Variants in PPIG observed in about 807,000 individuals in gnomAD.
The protein encoded by PPIG is peptidylprolyl isomerase G.
A neutral mutation model predicts 87.9 loss-of-function variants in PPIG; 26 were observed. The ratio of observed to expected loss-of-function variants is 0.30; its 90% CI spans 0.22 to 0.41. The LOEUF (loss-of-function observed/expected upper bound fraction) is 0.41, where lower values mean the gene tolerates loss of function less well. PPIG is among the 10% of genes least tolerant of loss of function. The probability of loss-of-function intolerance (pLI) is 1.00; values close to 1 mark genes in which losing one functional copy is unlikely to be tolerated. For missense variants in PPIG, 722 were observed against 879.4 expected, an observed-to-expected ratio of 0.82 and a Z score of 2.26; for synonymous variants, 308 against 276.5, an observed-to-expected ratio of 1.11 and a Z score of -1.13.
chr2:169,641,240 CTGT>C lies in PPIG; in HGVS notation c.*3721_*3723del, dbSNP rs1365818265. The C allele has an allele frequency of 6.6e-6, 1 of 152,000 alleles. No individual in the cohort carries two copies. Among genetic ancestry groups the C allele is most frequent in the African/African-American group, 2.4e-5 (1 of 41,388 alleles). 9.4% of individuals were successfully genotyped at this position (152,000 alleles called of 1,614,324 possible). On this transcript the variant is annotated 3_prime_UTR_variant, in exon 14 of 14. Coordinates refer to ENST00000260970, the MANE Select transcript of PPIG (RefSeq NM_004792.3). ...TTTTTAATGAAGTTTAGAAAAAAAG[CTGT>C]TGTCTTCTCAATTGTAAAATTAGTT...
intron 7 of PPIG, among the ~76,000 whole-genome samples, chr2:169,610,624 A>G (rs1332483091): frequency 9.2e-5 from 14 of 151,662 alleles, no homozygotes; most frequent in Admixed American, 9.2e-4. Context: ...CCATCTATAC[A>G]TGTTAATAAC....
intron 4 of PPIG, 52 bp downstream of exon 4, chr2:169,604,313 T>TG (rs1559178874): frequency 2.8e-5 from 21 of 750,786 alleles, no homozygotes; most frequent in Middle Eastern, 4.1e-4. Context: ...GACTATGGCT[T>TG]GCTTGCTTGC....
chr2:169,628,201 A>G (rs574096188), intron 9 of PPIG, among the ~76,000 whole-genome samples: 5 of 152,280 alleles, frequency 3.3e-5, no homozygotes, highest in Non-Finnish European at 7.3e-5. Context: ...TGGTACATCA[A>G]CAGCATAGAG....
chr2:169,634,603 C>T (rs550352836), intron 12 of PPIG, among the ~76,000 whole-genome samples: 2 of 152,152 alleles, frequency 1.3e-5, no homozygotes. Flanking sequence ...ATTTTAGTGA[C>T]GGGCACCACC....
chr2:169,602,376 T>G (rs1257937603), intron 1 of PPIG, among the ~76,000 whole-genome samples: 1 of 152,132 alleles, frequency 6.6e-6, no homozygotes, highest in Non-Finnish European at 1.5e-5. Flanking sequence ...AGTGCAGTGG[T>G]GCAGTCTTGG....
At chr2:169,626,551 T>G (rs1432093865) in intron 9 of PPIG, among the ~76,000 whole-genome samples, 1 of 151,666 alleles carries the variant, frequency 6.6e-6, no homozygotes, top group Non-Finnish European at 1.5e-5. Flanking sequence ...TCTACCATAC[T>G]CAGCTAATTT....
intron 1 of PPIG, among the ~76,000 whole-genome samples, chr2:169,593,482 A>T (rs1048025482): frequency 6.6e-6 from 1 of 152,078 alleles, no homozygotes; most frequent in African/African-American, 2.4e-5. Flanking sequence ...TATTAAAGAA[A>T]ACTAGAAAGA....
At position 169,603,819 on chromosome 2, in the gene PPIG, C is replaced by T. The variant is rs1005097750; in HGVS notation, c.-17+125C>T. The stretch of plus-strand genomic sequence containing the variant: ...ATAATAATGGTTAAGGCTTAACTTT[C>T]AAGTCTTTTCTAATTGCTTCACAAA... On this transcript the variant is annotated intron_variant, in intron 2 of 13. Transcript: ENST00000260970. 10 of 560,268 alleles carry T rather than the reference C, an allele frequency of 1.8e-5. No homozygotes were observed. The African/African-American group carries it at 1.9e-4, about 11-fold the overall frequency. 34.7% of individuals were successfully genotyped at this position (560,268 alleles called of 1,614,324 possible). A position where few individuals can be genotyped will look rare whatever the true frequency, so the allele number is the denominator to read the frequency against.
chr2:169,602,692 G>T (rs917458058), intron 1 of PPIG, among the ~76,000 whole-genome samples: 22 of 152,184 alleles, frequency 1.4e-4, no homozygotes, highest in African/African-American at 5.3e-4. Flanking sequence ...TTATTGAGCA[G>T]TGCTGGTCTA....
intron 9 of PPIG, among the ~76,000 whole-genome samples, chr2:169,620,491 GT>G (rs1234956954): frequency 1.3e-5 from 2 of 151,546 alleles, no homozygotes; most frequent in African/African-American, 2.4e-5. Context: ...TGTTGTTGTT[GT>G]TTTTTGTTTG....
At chr2:169,607,311 A>T (rs899996903) in intron 6 of PPIG, among the ~76,000 whole-genome samples, 163 bp downstream of exon 6, 6 of 152,150 alleles carry the variant, frequency 3.9e-5, no homozygotes, top group African/African-American at 1.4e-4. Context: ...TGCTTTTTAT[A>T]CAGATGGGTA....
intron 9 of PPIG, among the ~76,000 whole-genome samples, chr2:169,626,413 G>T (rs1285650870): frequency 3.3e-5 from 5 of 151,680 alleles, no homozygotes; most frequent in African/African-American, 1.2e-4. Flanking sequence ...TATTTTTTTG[G>T]AACGGAGTCT....
chr2:169,615,240 G>C (rs771681748), intron 9 of PPIG, among the ~76,000 whole-genome samples: 32 of 152,052 alleles, frequency 2.1e-4, no homozygotes, highest in Non-Finnish European at 5.9e-5. Context: ...GTGGAGATGG[G>C]GTTTCACCAT....
intron 1 of PPIG, among the ~76,000 whole-genome samples, chr2:169,592,536 C>G (rs1343911068): frequency 6.6e-6 from 1 of 151,968 alleles, no homozygotes; most frequent in Admixed American, 6.6e-5. Context: ...AATCTCCTGG[C>G]CTTGTGATCC....
chr2:169,587,176 ATCCGCC>A (rs1228621902), intron 1 of PPIG, among the ~76,000 whole-genome samples: 2 of 151,608 alleles, frequency 1.3e-5, no homozygotes, highest in Non-Finnish European at 2.9e-5. Context: ...CAAGTAATCC[ATCCGCC>A]TCCGCCTCCC....
In PPIG at chr2:169,640,360, T is replaced by C. The variant is rs1337285836; in HGVS notation, c.*2837T>C. On this transcript the variant is annotated 3_prime_UTR_variant, in exon 14 of 14. Coordinates refer to ENST00000260970, the MANE Select transcript of PPIG (RefSeq NM_004792.3). ...ACTCTTCATTATGGATAGGCACATATTGGATCTCTGGTATTTTGGGTAGTG... is the reference window on the plus strand; with the variant it reads ...ACTCTTCATTATGGATAGGCACATACTGGATCTCTGGTATTTTGGGTAGTG... The C allele has an allele frequency of 6.6e-6, 1 of 152,216 alleles. No individual in the cohort carries two copies. The highest frequency in any genetic ancestry group is 1.9e-4 in the East Asian group (1 of 5,198). 9.4% of individuals were successfully genotyped at this position (152,216 alleles called of 1,614,324 possible). A position where few individuals can be genotyped will look rare whatever the true frequency, so the allele number is the denominator to read the frequency against.
intron 1 of PPIG, among the ~76,000 whole-genome samples, chr2:169,588,241 G>A (rs1165974438): frequency 6.6e-6 from 1 of 152,152 alleles, no homozygotes; most frequent in Non-Finnish European, 1.5e-5. Flanking sequence ...ATTCGTGTGT[G>A]TGTGTGTATA....
At chr2:169,586,948 T>A (rs1340679817) in intron 1 of PPIG, among the ~76,000 whole-genome samples, 1 of 152,148 alleles carries the variant, frequency 6.6e-6, no homozygotes, top group South Asian at 2.1e-4. Flanking sequence ...TTATTTATTT[T>A]TTTCAGACAG....
In PPIG at chr2:169,637,502, AGAT is replaced by A. The variant is rs779171350; in HGVS notation, c.2247_2249del (p.Asp749del). The stretch of plus-strand genomic sequence containing the variant: ...TTGATCATGAATCAAGCCCTGGAAC[AGAT>A]GAAGACAAAAGCGGATGAGTGAGTT... On this transcript the variant is annotated inframe_deletion, in exon 14 of 14. Transcript: ENST00000260970. 1.1e-5 allele frequency: 18 copies of A among 1,584,234 alleles called. No individual in the cohort carries two copies. Among genetic ancestry groups the A allele is most frequent in the Non-Finnish European group, 1.5e-5 (18 of 1,172,126 alleles).
Sources: allele counts gnomAD v4.1 joint callset (sites outside exome capture counted in the v4.1 genomes callset), GRCh38; gene constraint gnomAD v4.1.1; transcripts MANE v1.5; gene names NCBI Gene and HGNC (gene_info 2026-07-23, HGNC 2026-07-21).